The following FER variants were observed in gnomAD, a reference collection of about 807,000 sequenced individuals.
FER encodes tyrosine-protein kinase Fer.
In FER, 63 loss-of-function variants were observed where a neutral mutation model predicts 111.0. That is an observed-to-expected ratio of 0.57 (90% CI 0.46 to 0.70). FER has a LOEUF of 0.70. FER is among the 30% of genes least tolerant of loss of function. The pLI is 0.00. For missense variants in FER, 914 were observed against 954.0 expected, an observed-to-expected ratio of 0.96 and a Z score of 0.55; for synonymous variants, 327 against 313.9, an observed-to-expected ratio of 1.04 and a Z score of -0.44.
At chr5:108,753,207 A>G (rs984579424) in intron 1 of FER, among the ~76,000 whole-genome samples, 1 of 152,120 alleles carries the variant, frequency 6.6e-6, no homozygotes, top group African/African-American at 2.4e-5. Flanking sequence ...CTCTCCTTGT[A>G]TTAATGTGTT....
intron 17 of FER, among the ~76,000 whole-genome samples, chr5:109,178,228 G>C (rs977481390): frequency 2.0e-4 from 30 of 152,274 alleles, no homozygotes; most frequent in African/African-American, 7.2e-4. Flanking sequence ...ATCTCAAAAA[G>C]ATCCCATTTC....
chr5:108,881,539 A>G lies in FER; in HGVS notation c.924-1857A>G, dbSNP rs895028867. ...ATTTGGGTGAGGACACAGCCAAACCATATCAGACTGTCATACAAATTACCA... is the reference window on the plus strand; with the variant it reads ...ATTTGGGTGAGGACACAGCCAAACCGTATCAGACTGTCATACAAATTACCA... On this transcript the variant is annotated intron_variant, in intron 8 of 19. Coordinates refer to ENST00000281092, the MANE Select transcript of FER (RefSeq NM_005246.4). Among the ~76,000 whole-genome samples the G allele has an allele frequency of 4.6e-5, 7 of 152,190 alleles. No individual in the cohort carries two copies. The East Asian group carries it at 7.7e-4, about 17-fold the overall frequency.
intron 17 of FER, among the ~76,000 whole-genome samples, chr5:109,176,224 TA>T (rs939440037): frequency 1.7e-4 from 26 of 152,124 alleles, no homozygotes; most frequent in African/African-American, 6.0e-4. Flanking sequence ...ATAGCTAAGA[TA>T]AGGAATCAAC....
intron 12 of FER, among the ~76,000 whole-genome samples, chr5:108,955,739 A>G (rs1758339806): frequency 6.6e-6 from 1 of 151,852 alleles, no homozygotes; most frequent in African/African-American, 2.4e-5. Context: ...TTGAGAGACT[A>G]GGGTGATACT....
chr5:108,831,360 A>G (rs6873917), intron 3 of FER, among the ~76,000 whole-genome samples: 34,602 of 151,880 alleles, frequency 0.23, 4,130 homozygotes, highest in African/African-American at 0.28. Flanking sequence ...AGGCAAAGCT[A>G]CATATATTAT....
chr5:109,071,008 C>G (rs1561857010), intron 16 of FER, among the ~76,000 whole-genome samples: 1 of 151,934 alleles, frequency 6.6e-6, no homozygotes, highest in Non-Finnish European at 1.5e-5. Context: ...ACCATGAATT[C>G]TATATTGTAT....
rs1205617305 is a variant in FER, at chr5:109,188,541, T to TAACA, written c.*967_*970dup. 1.3e-5 allele frequency: 2 copies of TAACA among 152,020 alleles called. No homozygotes were observed. The highest frequency in any genetic ancestry group is 1.3e-4 in the Admixed American group (2 of 15,258). 9.4% of individuals were successfully genotyped at this position (152,020 alleles called of 1,614,324 possible). On this transcript the variant is annotated 3_prime_UTR_variant, in exon 20 of 20. Transcript: ENST00000281092. ...GAGAACAGAGCAGCTAAAGAATGAT[T>TAACA]AACAGAGTAAAGAAGAAAGTGAAAA...
At chr5:109,067,964 G>A (rs1775313530) in intron 16 of FER, among the ~76,000 whole-genome samples, 1 of 152,138 alleles carries the variant, frequency 6.6e-6, no homozygotes, top group East Asian at 1.9e-4. Context: ...CAAGCAAGCC[G>A]CACATCTAGC....
chr5:108,813,337 A>G (rs1336564928), intron 3 of FER, among the ~76,000 whole-genome samples: 1 of 152,072 alleles, frequency 6.6e-6, no homozygotes. Context: ...ATGTTAAGCA[A>G]TTCATTATGT....
At chr5:109,008,930 G>GTT (rs985791609) in intron 13 of FER, among the ~76,000 whole-genome samples, 3 of 151,848 alleles carry the variant, frequency 2.0e-5, no homozygotes, top group Non-Finnish European at 4.4e-5. Context: ...AGATCGTGCC[G>GTT]TTGCACTCTA....
At chr5:108,825,453 C>A (rs540951822) in intron 3 of FER, among the ~76,000 whole-genome samples, 1 of 152,182 alleles carries the variant, frequency 6.6e-6, no homozygotes, top group African/African-American at 2.4e-5. Context: ...AGCTCACCGG[C>A]GGTCAGAGTT....
At chr5:109,042,961 G>A (rs1771391338) in intron 14 of FER, among the ~76,000 whole-genome samples, 1 of 152,116 alleles carries the variant, frequency 6.6e-6, no homozygotes, top group African/African-American at 2.4e-5. Flanking sequence ...GTTTTCTCTA[G>A]GAAAGATTAA....
intron 17 of FER, among the ~76,000 whole-genome samples, chr5:109,145,216 G>A (rs1244678461): frequency 6.6e-6 from 1 of 151,954 alleles, no homozygotes; most frequent in Non-Finnish European, 1.5e-5. Context: ...TAAAGTCACT[G>A]ACTTCACCCA....
rs1003720854 is a variant in FER at position 109,051,624 on chromosome 5, C to T, written c.1924+4426C>T. The stretch of plus-strand genomic sequence containing the variant: ...GCTTGTACCCAGGAAGAGACATAGG[C>T]GAGAGGGGAGCAGTTGGTGAGGAGC... On this transcript the variant is annotated intron_variant, in intron 16 of 19. Transcript: ENST00000281092. The T allele has an allele frequency of 5.3e-5, 85 of 1,594,486 alleles. 1 individual carries two copies. Among genetic ancestry groups the T allele is most frequent in the African/African-American group, 4.7e-4 (35 of 74,592 alleles).
At chr5:108,764,514 C>T (rs1752098420) in intron 1 of FER, among the ~76,000 whole-genome samples, 1 of 152,156 alleles carries the variant, frequency 6.6e-6, no homozygotes, top group Non-Finnish European at 1.5e-5. Flanking sequence ...TCTCCTGCCT[C>T]AGCCTCCCAA....
At chr5:108,797,087 A>T (rs1295299473) in intron 2 of FER, among the ~76,000 whole-genome samples, 1 of 151,888 alleles carries the variant, frequency 6.6e-6, no homozygotes, top group African/African-American at 2.4e-5. Context: ...TCAGCAGGTG[A>T]TGAAGCCTGC....
rs529946778 is a variant in FER at position 108,911,503 on chromosome 5, A to G, written c.1236+13655A>G. Among the ~76,000 whole-genome samples the G allele has an allele frequency of 1.8e-4, 27 of 151,974 alleles. No individual in the cohort carries two copies. In the East Asian group the frequency reaches 4.8e-3, roughly 27 times the overall value. On this transcript the variant is annotated intron_variant, in intron 10 of 19. Coordinates refer to ENST00000281092, the MANE Select transcript of FER (RefSeq NM_005246.4). ...ATTTATCTATGTTTGTTTTTGTTGC[A>G]TTTGCTTTTGGGGTTGTTGTCATAA... is the stretch of plus-strand genomic sequence containing the variant.
chr5:109,145,023 AT>A (rs1259519852), intron 17 of FER, among the ~76,000 whole-genome samples: 4 of 149,740 alleles, frequency 2.7e-5, no homozygotes, highest in African/African-American at 9.8e-5. Context: ...GGATTGTTTC[AT>A]TTCTTTAGTT....
At chr5:108,963,586 A>C (rs1429674512) in intron 13 of FER, among the ~76,000 whole-genome samples, 1 of 152,158 alleles carries the variant, frequency 6.6e-6, no homozygotes, top group Non-Finnish European at 1.5e-5. Flanking sequence ...AACAAAAAAC[A>C]AAATGTACGT....
Sources: gnomAD v4.1 joint callset for allele counts (sites outside exome capture counted in the v4.1 genomes callset) on GRCh38, gnomAD v4.1.1 for gene constraint, MANE v1.5 for transcripts, NCBI Gene and HGNC (gene_info 2026-07-23, HGNC 2026-07-21) for gene names.